Variants in LEPR observed in about 807,000 individuals in gnomAD.
LEPR encodes the protein leptin receptor, also known as OB receptor.
Under a neutral mutation model 114.7 loss-of-function variants are expected in LEPR, and 56 were observed. The observed-to-expected ratio is 0.49, with a 90% CI of 0.39 to 0.61. The LOEUF is 0.61. Among genes scored for constraint, LEPR ranks in the 20% least tolerant of loss-of-function variants. The pLI is 0.00. For missense variants in LEPR, 1,202 were observed against 1,352.9 expected (o/e 0.89, Z 1.75); for synonymous variants, 443 against 461.4 (o/e 0.96, Z 0.51).
chr1:65,615,877 C>T (rs1226891603), intron 14 of LEPR, 131 bp from the exon 15 acceptor site: 7 of 1,218,432 alleles, frequency 5.7e-6, no homozygotes, highest in Non-Finnish European at 8.2e-6. Context: ...AGCCTCTCAG[C>T]CTTGTAATAG....
At chr1:65,551,699 A>G (rs1230479713) in intron 2 of LEPR, among the ~76,000 whole-genome samples, 5 of 151,856 alleles carry the variant, frequency 3.3e-5, no homozygotes, top group Admixed American at 6.6e-5. Flanking sequence ...TCGTGTCTCT[A>G]TCTCCTTCAG....
chr1:65,427,739 A>G, intron 2 of LEPR: 1 of 380,082 alleles, frequency 2.6e-6, no homozygotes, highest in South Asian at 2.0e-5. Flanking sequence ...GCTACTACAA[A>G]TAAGTTTGTT....
intron 2 of LEPR, among the ~76,000 whole-genome samples, chr1:65,552,228 G>A (rs1010858809): frequency 3.9e-5 from 6 of 152,140 alleles, no homozygotes; most frequent in African/African-American, 1.4e-4. Flanking sequence ...AGGTCTTCTT[G>A]GTCCAGAGCT....
At chr1:65,464,108 T>A (rs1034959552) in intron 2 of LEPR, among the ~76,000 whole-genome samples, 1 of 152,244 alleles carries the variant, frequency 6.6e-6, no homozygotes, top group Non-Finnish European at 1.5e-5. Flanking sequence ...GTGCTGGTTT[T>A]CAAAGGGAAT....
At chr1:65,538,249 T>C (rs890795604) in intron 2 of LEPR, among the ~76,000 whole-genome samples, 1 of 152,106 alleles carries the variant, frequency 6.6e-6, no homozygotes, top group African/African-American at 2.4e-5. Context: ...TGGTGTTTAT[T>C]CTGTTTTTAT....
At chr1:65,517,750 T>C (rs1481707344) in intron 2 of LEPR, among the ~76,000 whole-genome samples, 18 of 152,212 alleles carry the variant, frequency 1.2e-4, no homozygotes, top group Non-Finnish European at 4.4e-5. Context: ...CTGATGAACA[T>C]AATTTAGCCT....
chr1:65,632,013 C>T (rs1477538775), intron 19 of LEPR, among the ~76,000 whole-genome samples: 3 of 151,946 alleles, frequency 2.0e-5, no homozygotes, highest in Non-Finnish European at 2.9e-5. Flanking sequence ...ACATTTATGC[C>T]AGCTTTCACA....
intron 2 of LEPR, among the ~76,000 whole-genome samples, chr1:65,503,829 ACAC>A (rs1648586211): frequency 7.1e-6 from 1 of 140,358 alleles, no homozygotes; most frequent in African/African-American, 2.6e-5. Context: ...ACACACACAC[ACAC>A]ATTTTGCTCT....
chr1:65,545,737 T>C (rs917332354), intron 2 of LEPR, among the ~76,000 whole-genome samples: 2 of 152,194 alleles, frequency 1.3e-5, no homozygotes, highest in African/African-American at 2.4e-5. Context: ...TTTGTGAAAA[T>C]TTTCTCCCAT....
intron 2 of LEPR, chr1:65,525,542 C>G: frequency 1.2e-6 from 1 of 815,788 alleles, no homozygotes; most frequent in Admixed American, 6.2e-5. Context: ...CCGCTCCTCC[C>G]GCTCAGGGGC....
intron 5 of LEPR, among the ~76,000 whole-genome samples, chr1:65,582,706 A>G (rs6673591): frequency 0.52 from 78,492 of 152,020 alleles, 20,970 homozygotes; most frequent in East Asian, 0.89. Flanking sequence ...GATCTAAGGC[A>G]AACCCTTTGT....
chr1:65,495,475 T>C (rs573140599), intron 2 of LEPR, among the ~76,000 whole-genome samples: 71 of 152,288 alleles, frequency 4.7e-4, no homozygotes, highest in African/African-American at 1.3e-3. Flanking sequence ...GCAGCCATTA[T>C]AGAAAACAGT....
intron 10 of LEPR, 36 bp from the exon 11 acceptor site, chr1:65,605,002 A>G: frequency 1.2e-6 from 2 of 1,604,520 alleles, no homozygotes; most frequent in Non-Finnish European, 1.7e-6. Context: ...GCTTTTATTA[A>G]TGTATACTAA....
intron 2 of LEPR, among the ~76,000 whole-genome samples, chr1:65,524,777 T>C (rs1421313702): frequency 1.3e-5 from 2 of 152,228 alleles, no homozygotes; most frequent in South Asian, 4.1e-4. Context: ...CTGATGGTAA[T>C]TGTATGAATA....
chr1:65,454,581 T>G (rs1206683344), intron 2 of LEPR, among the ~76,000 whole-genome samples: 2 of 152,206 alleles, frequency 1.3e-5, no homozygotes, highest in Non-Finnish European at 2.9e-5. Flanking sequence ...GGTTGAAAAT[T>G]CTTTTCTTTA....
In LEPR at chr1:65,601,702, G is replaced by T. The variant is rs13306522; in HGVS notation, c.1285+20G>T. ...TGATTGGTAAGAAAACAGAGGTTTTGTTCATTTTGTTCCACAACTTGAATT... is the reference window on the plus strand; with the variant it reads ...TGATTGGTAAGAAAACAGAGGTTTTTTTCATTTTGTTCCACAACTTGAATT... On this transcript the variant is annotated intron_variant, in intron 9 of 19. Transcript: ENST00000349533. 3 of 1,613,088 alleles carry T rather than the reference G, an allele frequency of 1.9e-6. No individual in the cohort carries two copies. Among genetic ancestry groups the T allele is most frequent in the Non-Finnish European group, 1.7e-6 (2 of 1,179,528 alleles).
intron 5 of LEPR, among the ~76,000 whole-genome samples, chr1:65,573,742 C>T (rs4655517): frequency 0.52 from 79,601 of 151,834 alleles, 21,535 homozygotes; most frequent in East Asian, 0.9. Flanking sequence ...GAAAGTAAAG[C>T]GGGGCTGAGA....
chr1:65,593,776 C>G (rs1655863749), intron 6 of LEPR, among the ~76,000 whole-genome samples: 1 of 151,986 alleles, frequency 6.6e-6, no homozygotes, highest in Non-Finnish European at 1.5e-5. Flanking sequence ...GTTGTGATCT[C>G]CACAACATAA....
chr1:65,479,775 A>T (rs1027639608), intron 2 of LEPR, among the ~76,000 whole-genome samples: 1 of 152,238 alleles, frequency 6.6e-6, no homozygotes, highest in African/African-American at 2.4e-5. Flanking sequence ...CTGGGCAGAA[A>T]GTAGAAGACA....
Sources: allele counts gnomAD v4.1 joint callset (sites outside exome capture counted in the v4.1 genomes callset), GRCh38; gene constraint gnomAD v4.1.1; transcripts MANE v1.5; gene names NCBI Gene and HGNC (gene_info 2026-07-23, HGNC 2026-07-21).